CNTNAP2: variants seen among roughly 807,000 people sequenced by gnomAD.
CNTNAP2 encodes the protein contactin associated protein 2, also known as contactin-associated protein-like 2.
In CNTNAP2, 98 loss-of-function variants were observed where a neutral mutation model predicts 155.2. The observed-to-expected ratio is 0.63, with a 90% CI of 0.54 to 0.75. The LOEUF is 0.75. CNTNAP2 is among the 30% of genes least tolerant of loss of function. CNTNAP2 has a pLI of 0.00. For missense variants in CNTNAP2, 1,727 were observed against 1,688.1 expected, an observed-to-expected ratio of 1.02 and a Z score of -0.40; for synonymous variants, 651 against 631.2, an observed-to-expected ratio of 1.03 and a Z score of -0.47.
In CNTNAP2 at chr7:146,261,565, TAA is replaced by T. The variant is rs557322786; in HGVS notation, c.97+144595_97+144596del. Among the ~76,000 whole-genome samples the T allele has an allele frequency of 2.5e-3, 379 of 152,184 alleles. 2 individuals are homozygous for T. Among genetic ancestry groups the T allele is most frequent in the African/African-American group, 8.5e-3 (353 of 41,518 alleles). ...CCTATTACCTATATGCAGTAATTATTAAAATTTCCTTTCCCAAACTAGCTACT... is the reference window on the plus strand; with the variant it reads ...CCTATTACCTATATGCAGTAATTATTAATTTCCTTTCCCAAACTAGCTACT... On this transcript the variant is annotated intron_variant, in intron 1 of 23. Transcript: ENST00000361727.
intron 10 of CNTNAP2, among the ~76,000 whole-genome samples, chr7:147,401,057 C>T (rs1005860698): frequency 2.1e-4 from 32 of 151,898 alleles, no homozygotes; most frequent in Admixed American, 7.2e-4. Context: ...TAGTGATGTC[C>T]CCTAGAGGTT....
rs190540701 is a variant in CNTNAP2, at chr7:147,098,927, A to G, written c.551-9220A>G. Among the ~76,000 whole-genome samples, 106 of 152,356 alleles carry G rather than the reference A, an allele frequency of 7.0e-4. 1 individual carries two copies. The highest frequency in any genetic ancestry group is 2.4e-3 in the African/African-American group (101 of 41,582). The stretch of plus-strand genomic sequence containing the variant: ...AATACAATTATTACTTTATTAAAAT[A>G]CATGACATTTATTTACTTTATTACT... On this transcript the variant is annotated intron_variant, in intron 4 of 23. Coordinates refer to ENST00000361727, the MANE Select transcript of CNTNAP2 (RefSeq NM_014141.6).
At chr7:146,737,941 T>G (rs1460127816) in intron 1 of CNTNAP2, among the ~76,000 whole-genome samples, 1 of 152,136 alleles carries the variant, frequency 6.6e-6, no homozygotes, top group African/African-American at 2.4e-5. Context: ...TTAAGCTGAT[T>G]CAATATCTTA....
intron 3 of CNTNAP2, among the ~76,000 whole-genome samples, chr7:147,025,767 C>T (rs1457660450): frequency 6.6e-6 from 1 of 151,416 alleles, no homozygotes; most frequent in Non-Finnish European, 1.5e-5. Flanking sequence ...CTCTCTCATT[C>T]TGTATGTGTG....
chr7:146,869,187 T>A (rs754758562), intron 3 of CNTNAP2, among the ~76,000 whole-genome samples: 10 of 152,194 alleles, frequency 6.6e-5, no homozygotes, highest in Non-Finnish European at 1.5e-4. Flanking sequence ...TGAGGTATGT[T>A]CCTTCAATAC....
intron 21 of CNTNAP2, among the ~76,000 whole-genome samples, chr7:148,363,356 G>A (rs1312906595): frequency 2.9e-4 from 44 of 152,252 alleles, no homozygotes; most frequent in South Asian, 4.1e-4. Flanking sequence ...AGTGTTCTGA[G>A]CACATTTAAG....
chr7:146,488,074 TTTTTGAATCCGTTAA>T (rs1270714947), intron 1 of CNTNAP2, among the ~76,000 whole-genome samples: 2 of 152,202 alleles, frequency 1.3e-5, no homozygotes, highest in Non-Finnish European at 2.9e-5. Context: ...TTGTTTCAAA[TTTTTGAATCCGTTAA>T]TTTTAAACAT....
At chr7:148,045,431 G>A (rs981488249) in intron 15 of CNTNAP2, among the ~76,000 whole-genome samples, 7 of 151,220 alleles carry the variant, frequency 4.6e-5, no homozygotes, top group African/African-American at 1.5e-4. Context: ...CAGCGGGAGG[G>A]GTCTTGGGCG....
At chr7:147,876,741 G>A (rs1174330519) in intron 13 of CNTNAP2, among the ~76,000 whole-genome samples, 1 of 152,062 alleles carries the variant, frequency 6.6e-6, no homozygotes, top group Non-Finnish European at 1.5e-5. Context: ...AAGCCTGAAC[G>A]TAGGGTGCTT....
At chr7:147,507,377 C>T (rs193161382) in intron 11 of CNTNAP2, among the ~76,000 whole-genome samples, 13 of 152,164 alleles carry the variant, frequency 8.5e-5, no homozygotes, top group African/African-American at 3.1e-4. Context: ...AGGAGGTTGT[C>T]TCTCTTCACC....
chr7:148,379,841 A>T (rs1637853), intron 21 of CNTNAP2, among the ~76,000 whole-genome samples: 27 of 152,120 alleles, frequency 1.8e-4, no homozygotes, highest in Non-Finnish European at 5.9e-5. Context: ...TTATTCTCCC[A>T]GTGTTTCCTG....
intron 20 of CNTNAP2, among the ~76,000 whole-genome samples, chr7:148,238,279 G>A (rs566875266): frequency 6.6e-6 from 1 of 152,272 alleles, no homozygotes; most frequent in South Asian, 2.1e-4. Flanking sequence ...AACCCGGGAG[G>A]CAGAGGTTGC....
chr7:148,309,844 T>C (rs1482020859), intron 21 of CNTNAP2, among the ~76,000 whole-genome samples: 1 of 152,082 alleles, frequency 6.6e-6, no homozygotes, highest in Non-Finnish European at 1.5e-5. Flanking sequence ...CTTCTTATAT[T>C]AGTAAGAAAA....
At position 148,400,975 on chromosome 7, in the gene CNTNAP2, G is replaced by A. The variant is rs567817516; in HGVS notation, c.3716-8416G>A. On this transcript the variant is annotated intron_variant, in intron 22 of 23. Transcript: ENST00000361727. Reference sequence around the variant, plus strand: ...AGCCTGGGCGACAGAGTGAGACTCCGCCTCAAAAAAAAAAAAAAGATTTGT... The same window carrying A: ...AGCCTGGGCGACAGAGTGAGACTCCACCTCAAAAAAAAAAAAAAGATTTGT... Among the ~76,000 whole-genome samples, 813 of 142,216 alleles carry A rather than the reference G, an allele frequency of 5.7e-3. 3 individuals are homozygous for A. Among genetic ancestry groups the A allele is most frequent in the Admixed American group, 9.2e-3 (136 of 14,822 alleles). The allele number at this position is 142,216 out of a possible 152,430, so 93.3% of individuals were successfully genotyped here. A position where few individuals can be genotyped will look rare whatever the true frequency, so the allele number is the denominator to read the frequency against.
chr7:147,919,999 A>G (rs917499439), intron 14 of CNTNAP2, among the ~76,000 whole-genome samples: 6 of 151,860 alleles, frequency 4.0e-5, no homozygotes, highest in Admixed American at 1.3e-4. Flanking sequence ...GTAAAGCTTT[A>G]TTTTTTCCTC....
intron 1 of CNTNAP2, among the ~76,000 whole-genome samples, chr7:146,391,154 T>C (rs1795537998): frequency 6.7e-6 from 1 of 148,842 alleles, no homozygotes; most frequent in Non-Finnish European, 1.5e-5. Flanking sequence ...ATATATAAAA[T>C]AGGCTGGGGA....
At position 147,132,284 on chromosome 7, in the gene CNTNAP2, C is replaced by T. The variant is rs757993314; in HGVS notation, c.1123C>T (p.Pro375Ser). ...TTCTTGTGTGGAACCCTATACGGTG[C>T]CTGTCTTTTTCAACGCTACAAGTTA... The part of the protein sequence containing the change: ...SFSCVEPYTV[P>S]VFFNATSYLE... The change falls in exon 8 of 24, where the codon CCT (proline) becomes TCT (serine). Residue 375 changes from proline to serine, a missense_variant. By Grantham distance (74) the Pro-to-Ser change is moderately conservative (BLOSUM62 -1). Coordinates refer to ENST00000361727, the MANE Select transcript of CNTNAP2 (RefSeq NM_014141.6). 13 of 1,613,584 alleles carry T rather than the reference C, an allele frequency of 8.1e-6. No homozygotes were observed. The Admixed American group carries it at 2.2e-4, about 27-fold the overall frequency.
chr7:147,870,811 C>G (rs1305020653), intron 13 of CNTNAP2, among the ~76,000 whole-genome samples: 1 of 152,100 alleles, frequency 6.6e-6, no homozygotes, highest in Non-Finnish European at 1.5e-5. Context: ...CTTGTGGCAT[C>G]TGTTGTGACC....
At chr7:148,301,226 G>A (rs563906422) in intron 21 of CNTNAP2, among the ~76,000 whole-genome samples, 9 of 150,914 alleles carry the variant, frequency 6.0e-5, no homozygotes, top group East Asian at 1.9e-4. Flanking sequence ...CCCGGGATGC[G>A]GAGGTTGTAG....
Sources: allele counts gnomAD v4.1 joint callset (sites outside exome capture counted in the v4.1 genomes callset), GRCh38; gene constraint gnomAD v4.1.1; transcripts MANE v1.5; gene names NCBI Gene and HGNC (gene_info 2026-07-23, HGNC 2026-07-21).